Variants in EFCAB11 observed in about 807,000 individuals in gnomAD.
The protein encoded by EFCAB11 is EF-hand calcium binding domain 11.
A neutral mutation model predicts 23.0 loss-of-function variants in EFCAB11; 14 were observed. The observed-to-expected ratio is 0.61, with a 90% confidence interval of 0.40 to 0.95. The LOEUF is 0.95. Ranked by LOEUF, EFCAB11 falls within the 40% of genes least tolerant of loss-of-function variation. EFCAB11 has a pLI of 0.00. For missense variants in EFCAB11, 198 were observed against 195.8 expected, an observed-to-expected ratio of 1.01 and a Z score of -0.07; for synonymous variants, 65 against 66.6, an observed-to-expected ratio of 0.98 and a Z score of 0.11.
chr14:89,838,509 G>A (rs939545067), intron 5 of EFCAB11, among the ~76,000 whole-genome samples: 3 of 150,008 alleles, frequency 2.0e-5, no homozygotes, highest in Non-Finnish European at 4.4e-5. Flanking sequence ...AAGGGAAAGT[G>A]CTAACATTAA....
intron 5 of EFCAB11, chr14:89,830,831 C>T (rs1424151558): frequency 6.6e-6 from 1 of 152,112 alleles, no homozygotes; most frequent in Non-Finnish European, 1.5e-5. Flanking sequence ...CAAATAGTGG[C>T]TATGGTTGTA....
intron 5 of EFCAB11, among the ~76,000 whole-genome samples, chr14:89,902,262 T>A (rs944139990): frequency 1.3e-5 from 2 of 152,184 alleles, no homozygotes; most frequent in Admixed American, 6.5e-5. Context: ...AAAAACATCT[T>A]CCCTAACTTC....
intron 5 of EFCAB11, among the ~76,000 whole-genome samples, chr14:89,896,989 G>C (rs1246022976): frequency 6.6e-6 from 1 of 152,032 alleles, no homozygotes; most frequent in Non-Finnish European, 1.5e-5. Context: ...GGCCTCTCAA[G>C]GTGCTAGTAT....
chr14:89,881,746 C>A (rs907168179), intron 5 of EFCAB11, among the ~76,000 whole-genome samples: 4 of 151,780 alleles, frequency 2.6e-5, no homozygotes, highest in Non-Finnish European at 4.4e-5. Context: ...CTGTGCCTGG[C>A]CTGGAACTAA....
chr14:89,847,057 GT>G (rs1426273340), intron 5 of EFCAB11, among the ~76,000 whole-genome samples: 1 of 152,160 alleles, frequency 6.6e-6, no homozygotes, highest in African/African-American at 2.4e-5. Flanking sequence ...ATTTATACCA[GT>G]TTTCTCCACT....
chr14:89,905,398 G>T (rs1889465609), intron 5 of EFCAB11, among the ~76,000 whole-genome samples: 2 of 152,168 alleles, frequency 1.3e-5, no homozygotes, highest in Admixed American at 1.3e-4. Flanking sequence ...TCACATTGAT[G>T]AAGAGTTGTA....
chr14:89,907,573 T>C (rs1207276447), intron 5 of EFCAB11, among the ~76,000 whole-genome samples: 2 of 152,220 alleles, frequency 1.3e-5, no homozygotes, highest in Non-Finnish European at 2.9e-5. Context: ...TTTTTTACTA[T>C]GAAAATTTAT....
At chr14:89,891,678 T>C (rs1296986551) in intron 5 of EFCAB11, among the ~76,000 whole-genome samples, 4 of 152,120 alleles carry the variant, frequency 2.6e-5, no homozygotes, top group Middle Eastern at 3.2e-3. Context: ...AGCTCCATTT[T>C]AGACACAAAC....
rs190618258 is a variant in EFCAB11 at position 89,860,403 on chromosome 14, G to T, written c.411-63079C>A. Among the ~76,000 whole-genome samples the T allele has an allele frequency of 1.1e-3, 171 of 151,492 alleles. 5 individuals carry two copies. The East Asian group carries it at 0.023, about 21-fold the overall frequency. On this transcript the variant is annotated intron_variant, in intron 5 of 5. Coordinates refer to ENST00000316738, the MANE Select transcript of EFCAB11 (RefSeq NM_145231.4). ...CAAACAAACAAACAAATGTCTTCAG[G>T]AACCAGAACAAGGCCAAAGTACATT...
At chr14:89,847,366 C>G (rs1887460874) in intron 5 of EFCAB11, among the ~76,000 whole-genome samples, 1 of 152,122 alleles carries the variant, frequency 6.6e-6, no homozygotes. Flanking sequence ...AGACTTGAAC[C>G]ACTGAGAACA....
chr14:89,824,361 G>C (rs1886623289), intron 5 of EFCAB11, among the ~76,000 whole-genome samples: 1 of 151,948 alleles, frequency 6.6e-6, no homozygotes, highest in Non-Finnish European at 1.5e-5. Flanking sequence ...GTGGCCAGCA[G>C]ACATTAAATT....
chr14:89,886,452 A>G (rs1313285514), intron 5 of EFCAB11, among the ~76,000 whole-genome samples: 1 of 134,518 alleles, frequency 7.4e-6, no homozygotes, highest in Non-Finnish European at 1.5e-5. Flanking sequence ...CTGGGGGCGG[A>G]GCTTGCAGTG....
At chr14:89,954,133 A>G in intron 1 of EFCAB11, 132 bp from the exon 2 acceptor site, 1 of 895,670 alleles carries the variant, frequency 1.1e-6, no homozygotes, top group South Asian at 1.7e-5. Flanking sequence ...GAATTTCATT[A>G]TCCCAATATT....
chr14:89,941,306 G>C (rs1047935435), intron 3 of EFCAB11, among the ~76,000 whole-genome samples: 5 of 152,110 alleles, frequency 3.3e-5, no homozygotes, highest in African/African-American at 9.7e-5. Flanking sequence ...ATGGTGATTT[G>C]TTTTTCGTGT....
At chr14:89,892,459 G>A in intron 5 of EFCAB11, 2 of 1,528,080 alleles carry the variant, frequency 1.3e-6, no homozygotes, top group East Asian at 2.3e-5. Context: ...AGGAGAGAAA[G>A]GGTTAAAGCA....
At chr14:89,821,108 T>C (rs1886502666) in intron 5 of EFCAB11, among the ~76,000 whole-genome samples, 1 of 152,078 alleles carries the variant, frequency 6.6e-6, no homozygotes, top group Non-Finnish European at 1.5e-5. Flanking sequence ...GCAATCCTCC[T>C]GCCTTGGCCT....
chr14:89,954,289 G>A, intron 1 of EFCAB11: 1 of 1,474,752 alleles, frequency 6.8e-7, no homozygotes, highest in Non-Finnish European at 9.2e-7. Flanking sequence ...ATTCAGTCCT[G>A]GAGTTAGGAA....
chr14:89,930,216 G>A (rs969228305), intron 5 of EFCAB11, among the ~76,000 whole-genome samples: 1 of 152,222 alleles, frequency 6.6e-6, no homozygotes, highest in South Asian at 2.1e-4. Context: ...TGCAGCAAAT[G>A]AATTTCATAT....
intron 5 of EFCAB11, 92 bp downstream of exon 5, chr14:89,931,449 C>T: frequency 8.4e-7 from 1 of 1,185,790 alleles, no homozygotes; most frequent in Non-Finnish European, 1.2e-6. Context: ...ACTCAAAAAT[C>T]AGAATAAATA....
Sources: gnomAD v4.1 joint callset for allele counts (sites outside exome capture counted in the v4.1 genomes callset) on GRCh38, gnomAD v4.1.1 for gene constraint, MANE v1.5 for transcripts, NCBI Gene and HGNC (gene_info 2026-07-23, HGNC 2026-07-21) for gene names.